The following SCAPER variants were observed in gnomAD, a reference collection of about 807,000 sequenced individuals.
SCAPER encodes the protein S-phase cyclin A associated protein in the ER, also known as S phase cyclin A-associated protein in the endoplasmic reticulum.
In SCAPER, 98 loss-of-function variants were observed where a neutral mutation model predicts 182.2. The observed-to-expected ratio is 0.54, with a 90% CI of 0.46 to 0.64. SCAPER has a LOEUF of 0.64. SCAPER is among the 30% of genes least tolerant of loss of function. The probability of loss-of-function intolerance (pLI) is 0.00; values close to 1 mark genes in which losing one functional copy is unlikely to be tolerated. For synonymous variants in SCAPER, 605 were observed against 564.6 expected, an observed-to-expected ratio of 1.07 and a Z score of -1.01; for missense variants, 1,432 against 1,690.0, an observed-to-expected ratio of 0.85 and a Z score of 2.68.
intron 22 of SCAPER, among the ~76,000 whole-genome samples, chr15:76,607,637 G>A (rs901554821): frequency 3.9e-5 from 6 of 152,106 alleles, no homozygotes; most frequent in Non-Finnish European, 5.9e-5. Context: ...CATTCTCCCC[G>A]TCACTTTCAG....
chr15:76,563,329 T>A (rs908255402), intron 23 of SCAPER, among the ~76,000 whole-genome samples: 4 of 152,138 alleles, frequency 2.6e-5, no homozygotes, highest in African/African-American at 9.7e-5. Flanking sequence ...TTAGTTTACA[T>A]AATAATAGAA....
intron 2 of SCAPER, among the ~76,000 whole-genome samples, chr15:76,863,589 T>A (rs1390390473): frequency 6.6e-6 from 1 of 152,182 alleles, no homozygotes. Flanking sequence ...ACAATCCAAG[T>A]AAATGAAGCA....
At chr15:76,679,512 T>C (rs1402065576) in intron 20 of SCAPER, among the ~76,000 whole-genome samples, 2 of 152,254 alleles carry the variant, frequency 1.3e-5, no homozygotes, top group Non-Finnish European at 1.5e-5. Flanking sequence ...AAATATGTCA[T>C]TTTAATTATA....
In SCAPER at chr15:76,766,953, TATC is replaced by T. The variant is rs779028558; in HGVS notation, c.1381_1383del (p.Asp461del). The T allele has an allele frequency of 8.1e-6, 13 of 1,608,636 alleles. No individual in the cohort carries two copies. The highest frequency in any genetic ancestry group is 1.0e-5 in the Non-Finnish European group (12 of 1,178,210). ...CTGTCGTTGTCAGTTTCAATGTTAA[TATC>T]ATTGTTTTCTTCAGCTTCAATTTCT... On this transcript the variant is annotated inframe_deletion, in exon 11 of 32. Transcript: ENST00000563290.
At chr15:76,746,396 T>C (rs2061795248) in intron 15 of SCAPER, among the ~76,000 whole-genome samples, 1 of 152,204 alleles carries the variant, frequency 6.6e-6, no homozygotes, top group Non-Finnish European at 1.5e-5. Context: ...GGCTCAACTG[T>C]ATATGAAAAC....
At chr15:76,370,308 T>G (rs888149068) in intron 29 of SCAPER, among the ~76,000 whole-genome samples, 10 of 139,048 alleles carry the variant, frequency 7.2e-5, no homozygotes, top group South Asian at 6.9e-4. Flanking sequence ...TTTTTTTTTT[T>G]TTTTTTTTGT....
chr15:76,515,096 A>C (rs1419899670), intron 23 of SCAPER, among the ~76,000 whole-genome samples: 2 of 152,200 alleles, frequency 1.3e-5, no homozygotes, highest in Non-Finnish European at 2.9e-5. Context: ...TATAAGCTAC[A>C]GTTTGAAGGC....
chr15:76,590,383 G>A (rs938030071), intron 22 of SCAPER, among the ~76,000 whole-genome samples: 4 of 152,160 alleles, frequency 2.6e-5, no homozygotes, highest in Non-Finnish European at 5.9e-5. Flanking sequence ...AAGGGAAAGA[G>A]AATGTCATAA....
intron 2 of SCAPER, among the ~76,000 whole-genome samples, chr15:76,873,620 CTT>C (rs1055150395): frequency 1.3e-5 from 2 of 152,116 alleles, no homozygotes; most frequent in African/African-American, 2.4e-5. Context: ...ACAACACACT[CTT>C]TTAGAAGCTG....
intron 23 of SCAPER, among the ~76,000 whole-genome samples, chr15:76,508,720 T>C (rs1191583650): frequency 6.6e-6 from 1 of 152,136 alleles, no homozygotes. Context: ...TATCTTATAA[T>C]AGGGTGAAAG....
chr15:76,802,179 T>G (rs2065844569), intron 6 of SCAPER, among the ~76,000 whole-genome samples: 1 of 151,924 alleles, frequency 6.6e-6, no homozygotes, highest in African/African-American at 2.4e-5. Context: ...AAAATAAAGA[T>G]TTATTGTAAG....
In SCAPER at chr15:76,515,581, G is replaced by C. The variant is rs2042355314; in HGVS notation, c.2839-10607C>G. Reference sequence around the variant, plus strand: ...CTCTAATGGGTCCAGCAGCTCCCAGGAGGCAGGACCTTAGAGCTCAGAGGC... The same window carrying C: ...CTCTAATGGGTCCAGCAGCTCCCAGCAGGCAGGACCTTAGAGCTCAGAGGC... On this transcript the variant is annotated intron_variant, in intron 23 of 31. Coordinates refer to ENST00000563290, the MANE Select transcript of SCAPER (RefSeq NM_020843.4). Among the ~76,000 whole-genome samples the C allele has an allele frequency of 2.0e-5, 3 of 152,180 alleles. No homozygotes were observed. The South Asian group carries it at 6.2e-4, about 32-fold the overall frequency.
At chr15:76,738,319 T>C (rs1402665204) in intron 15 of SCAPER, among the ~76,000 whole-genome samples, 1 of 152,132 alleles carries the variant, frequency 6.6e-6, no homozygotes, top group African/African-American at 2.4e-5. Flanking sequence ...TTGGTAGAGA[T>C]GGGGTCTTGC....
chr15:76,820,063 G>A (rs1302976374), intron 5 of SCAPER, among the ~76,000 whole-genome samples: 1 of 152,082 alleles, frequency 6.6e-6, no homozygotes, highest in Non-Finnish European at 1.5e-5. Context: ...CAGTTTGAAT[G>A]GTGATCATTA....
intron 22 of SCAPER, among the ~76,000 whole-genome samples, chr15:76,583,895 A>G (rs1287520874): frequency 2.0e-5 from 3 of 152,236 alleles, no homozygotes; most frequent in Admixed American, 1.3e-4. Context: ...CAGAGCTACC[A>G]TATGATCTAG....
At chr15:76,704,133 T>C (rs1598268548) in intron 18 of SCAPER, among the ~76,000 whole-genome samples, 1 of 152,198 alleles carries the variant, frequency 6.6e-6, no homozygotes. Flanking sequence ...GAAACATCTT[T>C]TACTTTACTT....
At chr15:76,601,232 G>C (rs1407076761) in intron 22 of SCAPER, among the ~76,000 whole-genome samples, 2 of 121,138 alleles carry the variant, frequency 1.7e-5, no homozygotes, top group African/African-American at 5.0e-5. Flanking sequence ...TTCTTATTTA[G>C]CCTGGTTATT....
intron 23 of SCAPER, among the ~76,000 whole-genome samples, chr15:76,519,343 T>A (rs1001878075): frequency 6.6e-6 from 1 of 152,206 alleles, no homozygotes; most frequent in African/African-American, 2.4e-5. Context: ...AATATTCATT[T>A]GTAAATATTA....
chr15:76,630,564 G>A lies in SCAPER; in HGVS notation c.2646-8735C>T, dbSNP rs367943051. On this transcript the variant is annotated intron_variant, in intron 21 of 31. Transcript: ENST00000563290. ...CCTTAATTTCATTATTTACCCAAGA[G>A]TCATTCAGGAGTAGGTTGTTAAATT... 2.6e-5 allele frequency among the ~76,000 whole-genome samples: 4 copies of A among 152,162 alleles called. No homozygotes were observed. The East Asian group carries it at 5.8e-4, about 22-fold the overall frequency.
Sources: allele counts gnomAD v4.1 joint callset (sites outside exome capture counted in the v4.1 genomes callset), GRCh38; gene constraint gnomAD v4.1.1; transcripts MANE v1.5; gene names NCBI Gene and HGNC (gene_info 2026-07-23, HGNC 2026-07-21).